Variants in CDH8 observed in about 807,000 individuals in gnomAD.
CDH8 encodes the protein cadherin-8.
Under a neutral mutation model 68.1 loss-of-function variants are expected in CDH8, and 17 were observed. That is an observed-to-expected ratio of 0.25 (90% CI 0.17 to 0.37). The LOEUF is 0.37. Among genes scored for constraint, CDH8 ranks in the 10% least tolerant of loss-of-function variants. The probability of loss-of-function intolerance (pLI) is 1.00; values close to 1 mark genes in which losing one functional copy is unlikely to be tolerated. For missense variants in CDH8, 763 were observed against 999.3 expected, an observed-to-expected ratio of 0.76 and a Z score of 3.19; for synonymous variants, 372 against 365.1, an observed-to-expected ratio of 1.02 and a Z score of -0.21.
intron 2 of CDH8, among the ~76,000 whole-genome samples, chr16:61,932,036 TCTG>T (rs1964549214): frequency 1.3e-5 from 2 of 151,930 alleles, no homozygotes; most frequent in African/African-American, 4.8e-5. Context: ...TGAAACCCTG[TCTG>T]TACTAAAAAT....
At chr16:61,900,502 G>A (rs2143258357) in intron 3 of CDH8, among the ~76,000 whole-genome samples, 1 of 152,198 alleles carries the variant, frequency 6.6e-6, no homozygotes, top group South Asian at 2.1e-4. Context: ...TCATGGCAGG[G>A]GTTTAGGGAT....
At chr16:61,873,373 T>C (rs1176044442) in intron 3 of CDH8, among the ~76,000 whole-genome samples, 2 of 152,160 alleles carry the variant, frequency 1.3e-5, no homozygotes, top group Admixed American at 6.5e-5. Flanking sequence ...CGACACAGGC[T>C]ACTTATGAAG....
At chr16:61,755,463 G>T (rs1406341797) in intron 8 of CDH8, among the ~76,000 whole-genome samples, 1 of 151,990 alleles carries the variant, frequency 6.6e-6, no homozygotes, top group African/African-American at 2.4e-5. Flanking sequence ...TCATATTAGA[G>T]AAATAATTTT....
chr16:61,867,639 G>C (rs890736492), intron 3 of CDH8, among the ~76,000 whole-genome samples: 1 of 151,998 alleles, frequency 6.6e-6, no homozygotes, highest in Non-Finnish European at 1.5e-5. Flanking sequence ...AGTTAGTAAA[G>C]GGTTTTAAAC....
intron 10 of CDH8, among the ~76,000 whole-genome samples, chr16:61,666,831 G>A (rs1344555371): frequency 6.6e-6 from 1 of 151,840 alleles, no homozygotes; most frequent in Non-Finnish European, 1.5e-5. Flanking sequence ...TAAAAACCCA[G>A]CAAAGCAATA....
intron 3 of CDH8, among the ~76,000 whole-genome samples, chr16:61,875,680 G>A (rs1217798558): frequency 6.6e-6 from 1 of 152,062 alleles, no homozygotes; most frequent in Non-Finnish European, 1.5e-5. Flanking sequence ...TATGCTTCAA[G>A]GTTCACAGAA....
At chr16:61,674,029 T>C (rs1316636776) in intron 10 of CDH8, among the ~76,000 whole-genome samples, 1 of 152,138 alleles carries the variant, frequency 6.6e-6, no homozygotes, top group Non-Finnish European at 1.5e-5. Flanking sequence ...GAATGACTAC[T>C]GTGACTATCA....
At chr16:61,992,082 G>C (rs1965735039) in intron 2 of CDH8, among the ~76,000 whole-genome samples, 1 of 151,490 alleles carries the variant, frequency 6.6e-6, no homozygotes, top group Non-Finnish European at 1.5e-5. Flanking sequence ...GTGTGTGAGA[G>C]AGAGAGAGAG....
chr16:62,003,782 A>G (rs114025944), intron 2 of CDH8, among the ~76,000 whole-genome samples: 284 of 152,332 alleles, frequency 1.9e-3, no homozygotes, highest in African/African-American at 6.6e-3. Flanking sequence ...AGACATGTCC[A>G]TCTGTCAATA....
chr16:61,854,389 T>C (rs754859384), intron 4 of CDH8, among the ~76,000 whole-genome samples: 3 of 152,056 alleles, frequency 2.0e-5, no homozygotes, highest in Non-Finnish European at 4.4e-5. Context: ...AAGAGTAATG[T>C]TTGCTCCAGG....
intron 10 of CDH8, among the ~76,000 whole-genome samples, chr16:61,672,716 A>C (rs1157055769): frequency 6.6e-6 from 1 of 152,054 alleles, no homozygotes; most frequent in Non-Finnish European, 1.5e-5. Flanking sequence ...TGGAAGCCTC[A>C]TAGTTGATAT....
intron 2 of CDH8, among the ~76,000 whole-genome samples, chr16:61,947,752 A>C (rs2143569370): frequency 6.6e-6 from 1 of 152,338 alleles, no homozygotes; most frequent in Admixed American, 6.5e-5. Flanking sequence ...TCTAAGATTA[A>C]AATAAATGTT....
intron 8 of CDH8, among the ~76,000 whole-genome samples, chr16:61,781,299 G>A (rs572986237): frequency 6.6e-6 from 1 of 152,180 alleles, no homozygotes; most frequent in Non-Finnish European, 1.5e-5. Flanking sequence ...TTTAAGTAAA[G>A]GAGTCTATCT....
chr16:61,654,650 A>C (rs150976314), intron 11 of CDH8, among the ~76,000 whole-genome samples: 3,374 of 152,246 alleles, frequency 0.022, 67 homozygotes, highest in Non-Finnish European at 0.033. Flanking sequence ...GGGAAGAGAA[A>C]CCTGAATGTG....
At chr16:61,839,181 T>C (rs557780923) in intron 4 of CDH8, among the ~76,000 whole-genome samples, 1 of 152,242 alleles carries the variant, frequency 6.6e-6, no homozygotes, top group South Asian at 2.1e-4. Flanking sequence ...GATAGGCAGA[T>C]TGTACTGATG....
At chr16:61,810,062 T>C (rs1006551371) in intron 7 of CDH8, among the ~76,000 whole-genome samples, 6 of 152,200 alleles carry the variant, frequency 3.9e-5, no homozygotes, top group African/African-American at 1.4e-4. Context: ...GAGGCCTCTG[T>C]ATGGAAAATT....
intron 2 of CDH8, among the ~76,000 whole-genome samples, chr16:61,991,572 C>T (rs1213542330): frequency 6.6e-6 from 1 of 152,192 alleles, no homozygotes; most frequent in East Asian, 1.9e-4. Context: ...TCGTCATCTA[C>T]TTTACAGGTG....
At chr16:61,774,395 C>T (rs1596955357) in intron 8 of CDH8, among the ~76,000 whole-genome samples, 1 of 146,442 alleles carries the variant, frequency 6.8e-6, no homozygotes, top group South Asian at 2.2e-4. Flanking sequence ...CAGTGCCCCA[C>T]AATTTTTCTA....
intron 4 of CDH8, among the ~76,000 whole-genome samples, chr16:61,839,952 T>C (rs1230302816): frequency 6.6e-6 from 1 of 152,128 alleles, no homozygotes; most frequent in African/African-American, 2.4e-5. Flanking sequence ...CTATATGTGC[T>C]TTTGTTCCTA....
Sources: allele counts gnomAD v4.1 joint callset (sites outside exome capture counted in the v4.1 genomes callset), GRCh38; gene constraint gnomAD v4.1.1; transcripts MANE v1.5; gene names NCBI Gene and HGNC (gene_info 2026-07-23, HGNC 2026-07-21).